The following MYT1L variants were observed in gnomAD, a reference collection of about 807,000 sequenced individuals.
MYT1L encodes the protein myelin transcription factor 1-like protein.
MYT1L carries 12 observed loss-of-function variants against 126.7 expected under a neutral mutation model. That is an observed-to-expected ratio of 0.09 (90% confidence interval 0.06 to 0.15). The LOEUF (loss-of-function observed/expected upper bound fraction) is 0.15. MYT1L is among the 10% of genes least tolerant of loss of function. MYT1L has a pLI of 1.00. For missense variants in MYT1L, 979 were observed against 1,585.2 expected, an observed-to-expected ratio of 0.62 and a Z score of 6.49; for synonymous variants, 541 against 604.2, an observed-to-expected ratio of 0.90 and a Z score of 1.53.
At chr2:2,157,489 G>T (rs1015523239) in intron 3 of MYT1L, among the ~76,000 whole-genome samples, 3 of 152,126 alleles carry the variant, frequency 2.0e-5, no homozygotes, top group Non-Finnish European at 4.4e-5. Flanking sequence ...ATTAGTTCAG[G>T]TTCAATGGTT....
intron 1 of MYT1L, among the ~76,000 whole-genome samples, chr2:2,322,816 G>T (rs2096192117): frequency 6.6e-6 from 1 of 152,158 alleles, no homozygotes; most frequent in African/African-American, 2.4e-5. Flanking sequence ...AAAATGAAAT[G>T]TAGCAATGAG....
chr2:1,865,120 C>G (rs1039433168), intron 18 of MYT1L, among the ~76,000 whole-genome samples: 12 of 152,158 alleles, frequency 7.9e-5, no homozygotes, highest in African/African-American at 2.2e-4. Flanking sequence ...TCCAGGCTAC[C>G]GCATCTGCCC....
chr2:1,861,563 G>A (rs1572953303), intron 18 of MYT1L, among the ~76,000 whole-genome samples: 1 of 151,902 alleles, frequency 6.6e-6, no homozygotes, highest in Admixed American at 6.6e-5. Flanking sequence ...ATTCTAATCG[G>A]GGTTTGGGGG....
chr2:2,310,095 C>T (rs778263401), intron 1 of MYT1L, among the ~76,000 whole-genome samples: 2 of 152,050 alleles, frequency 1.3e-5, no homozygotes, highest in Non-Finnish European at 2.9e-5. Context: ...CTAGACTCCA[C>T]TTACACTTTA....
chr2:2,058,208 T>A (rs1341824566), intron 3 of MYT1L, among the ~76,000 whole-genome samples: 2 of 152,262 alleles, frequency 1.3e-5, no homozygotes, highest in African/African-American at 2.4e-5. Context: ...TATCTTTTCA[T>A]GTACATTTAA....
chr2:2,185,847 C>G lies in MYT1L; in HGVS notation c.-420-12859G>C, dbSNP rs1169859021. On this transcript the variant is annotated intron_variant, in intron 2 of 24. Coordinates refer to ENST00000647738, the MANE Select transcript of MYT1L (RefSeq NM_001303052.2). ...CCGCGTTCCTTCTGTGAGGGGGACG[C>G]AGCCGGGCCTCCCAGACGCCCGCGT... is the stretch of plus-strand genomic sequence containing the variant. Among the ~76,000 whole-genome samples the G allele has an allele frequency of 4.5e-5, 6 of 134,498 alleles. 1 individual carries two copies. The highest frequency in any genetic ancestry group is 6.3e-5 in the Non-Finnish European group (4 of 63,070). The allele number at this position is 134,498 out of a possible 152,430, so 88.2% of individuals were successfully genotyped here.
intron 2 of MYT1L, among the ~76,000 whole-genome samples, chr2:2,230,609 G>C (rs145853058): frequency 6.6e-6 from 1 of 152,100 alleles, no homozygotes; most frequent in Non-Finnish European, 1.5e-5. Context: ...GTGTCAGCCC[G>C]CTCCCTACCC....
chr2:2,290,400 G>A (rs1454868178), intron 1 of MYT1L, among the ~76,000 whole-genome samples: 6 of 152,162 alleles, frequency 3.9e-5, no homozygotes, highest in South Asian at 2.1e-4. Flanking sequence ...GAAGACTAGC[G>A]TGCTGTGTGC....
intron 21 of MYT1L, among the ~76,000 whole-genome samples, chr2:1,814,403 G>T (rs2037309468): frequency 6.6e-6 from 1 of 152,330 alleles, no homozygotes; most frequent in Non-Finnish European, 1.5e-5. Context: ...CGTGGACATG[G>T]GCGGTTCCCA....
intron 2 of MYT1L, among the ~76,000 whole-genome samples, chr2:2,201,335 A>T (rs1422504234): frequency 6.6e-6 from 1 of 152,214 alleles, no homozygotes; most frequent in Non-Finnish European, 1.5e-5. Context: ...CAGTTGTTCC[A>T]ATTTGAAAAT....
chr2:1,966,560 C>A (rs897966124), intron 8 of MYT1L, among the ~76,000 whole-genome samples: 2 of 152,054 alleles, frequency 1.3e-5, no homozygotes, highest in Non-Finnish European at 2.9e-5. Flanking sequence ...GTCATTCATC[C>A]CAGGGAAGAA....
At chr2:2,193,135 G>A (rs112137165) in intron 2 of MYT1L, among the ~76,000 whole-genome samples, 27 of 152,052 alleles carry the variant, frequency 1.8e-4, no homozygotes, top group African/African-American at 6.0e-4. Context: ...CCACCACCAC[G>A]CCTGGCTATT....
intron 13 of MYT1L, among the ~76,000 whole-genome samples, chr2:1,909,073 T>C (rs1415110554): frequency 6.6e-6 from 1 of 152,216 alleles, no homozygotes; most frequent in East Asian, 1.9e-4. Flanking sequence ...ATATTCATAT[T>C]GTTTGCCCAG....
chr2:2,095,300 CTT>C (rs1467992339), intron 3 of MYT1L, among the ~76,000 whole-genome samples: 1 of 152,220 alleles, frequency 6.6e-6, no homozygotes, highest in Non-Finnish European at 1.5e-5. Context: ...GCCAACTCTC[CTT>C]TCTCTCTCCA....
chr2:1,913,919 CCTCTT>C (rs2052430506), intron 11 of MYT1L, among the ~76,000 whole-genome samples: 2 of 152,128 alleles, frequency 1.3e-5, no homozygotes, highest in African/African-American at 4.8e-5. Flanking sequence ...ATCCCTCTCT[CCTCTT>C]CTCACATCTG....
intron 1 of MYT1L, among the ~76,000 whole-genome samples, chr2:2,310,249 AC>A (rs2095942784): frequency 6.6e-6 from 1 of 151,744 alleles, no homozygotes; most frequent in South Asian, 2.1e-4. Flanking sequence ...CTCTACCTAT[AC>A]TTCACTGACA....
At chr2:2,189,852 G>C (rs1559285592) in intron 2 of MYT1L, among the ~76,000 whole-genome samples, 1 of 139,242 alleles carries the variant, frequency 7.2e-6, no homozygotes, top group African/African-American at 3.3e-5. Context: ...GGGAGAAGCA[G>C]CGTTCTCAGG....
At chr2:1,914,950 C>T (rs546682646) in intron 11 of MYT1L, among the ~76,000 whole-genome samples, 14 of 152,332 alleles carry the variant, frequency 9.2e-5, no homozygotes, top group African/African-American at 1.4e-4. Context: ...CACCTCACGG[C>T]GGCCTTGGGG....
At chr2:2,011,527 C>T (rs1480438986) in intron 4 of MYT1L, among the ~76,000 whole-genome samples, 5 of 150,710 alleles carry the variant, frequency 3.3e-5, no homozygotes, top group South Asian at 2.1e-4. Flanking sequence ...ATAAATTGAA[C>T]GCTATCAAAA....
Sources: allele counts gnomAD v4.1 joint callset (sites outside exome capture counted in the v4.1 genomes callset), GRCh38; gene constraint gnomAD v4.1.1; transcripts MANE v1.5; gene names NCBI Gene and HGNC (gene_info 2026-07-23, HGNC 2026-07-21).